Variants in CRACDL observed in about 807,000 individuals in gnomAD.
CRACDL encodes the protein CRACD-like protein.
CRACDL carries 26 observed loss-of-function variants against 70.6 expected under a neutral mutation model. The observed-to-expected ratio is 0.37, with a 90% CI of 0.27 to 0.51. The LOEUF (loss-of-function observed/expected upper bound fraction) is 0.51, where lower values mean the gene tolerates loss of function less well. CRACDL is among the 20% of genes least tolerant of loss of function. CRACDL has a pLI of 0.94. For missense variants in CRACDL, 1,283 were observed against 1,376.9 expected (o/e 0.93, Z 1.08); for synonymous variants, 618 against 615.2 (o/e 1.00, Z -0.07).
chr2:98,913,690 C>T (rs955548856), intron 1 of CRACDL, among the ~76,000 whole-genome samples: 6 of 152,218 alleles, frequency 3.9e-5, no homozygotes, highest in Admixed American at 6.5e-5. Flanking sequence ...AAAGCATGGT[C>T]TTCGGGAGCA....
chr2:98,836,887 C>G (rs1705808965), intron 3 of CRACDL, among the ~76,000 whole-genome samples: 1 of 152,054 alleles, frequency 6.6e-6, no homozygotes, highest in Non-Finnish European at 1.5e-5. Flanking sequence ...TCGAGACCAT[C>G]CTGGCTAACA....
chr2:98,858,512 CAAAAAAAA>C (rs370742460), intron 1 of CRACDL, among the ~76,000 whole-genome samples: 1 of 56,266 alleles, frequency 1.8e-5, no homozygotes, highest in African/African-American at 5.6e-5. Flanking sequence ...GAGACTCTGT[CAAAAAAAA>C]AAAAAAAAAA....
chr2:98,797,078 C>A (rs1703855163), intron 8 of CRACDL, among the ~76,000 whole-genome samples: 1 of 152,230 alleles, frequency 6.6e-6, no homozygotes, highest in African/African-American at 2.4e-5. Context: ...GAGTAGAGAG[C>A]TGTCTGCACT....
chr2:98,851,106 T>C (rs1706463814), intron 1 of CRACDL, among the ~76,000 whole-genome samples: 1 of 152,338 alleles, frequency 6.6e-6, no homozygotes, highest in East Asian at 1.9e-4. Flanking sequence ...CCAGGCTGTT[T>C]GGACCCCTGT....
At chr2:98,874,973 G>A (rs1707446476) in intron 1 of CRACDL, among the ~76,000 whole-genome samples, 2 of 152,232 alleles carry the variant, frequency 1.3e-5, no homozygotes, top group South Asian at 4.2e-4. Flanking sequence ...CTGTAGCAAT[G>A]CCCCCGACAA....
At chr2:98,857,024 C>G (rs1706727426) in intron 1 of CRACDL, among the ~76,000 whole-genome samples, 1 of 152,206 alleles carries the variant, frequency 6.6e-6, no homozygotes. Context: ...AGGAGCTCCT[C>G]CAATATGATC....
Position 98,823,066 on chromosome 2 carries a change from G to C in CRACDL, c.1207C>G (p.Pro403Ala). 1 of 1,571,144 alleles carries C rather than the reference G, an allele frequency of 6.4e-7. No individual in the cohort carries two copies. The highest frequency in any genetic ancestry group is 8.6e-7 in the Non-Finnish European group (1 of 1,161,738). ...GTGTCCCCCTCAGGGATGGCGGTGG[G>C]AAACGGGCTCGCGACGTCTTCGGGA... The part of the protein sequence containing the change: ...CAPEDVASPF[P>A]TAIPEGDTTP... Residue 403 changes from proline (P) to alanine (A), a missense_variant, in exon 7 of 10, where the codon CCC (proline) becomes GCC (alanine). Physicochemically the swap from Pro to Ala is conservative, Grantham distance 27 (BLOSUM62 -1). Coordinates refer to ENST00000397899, the MANE Select transcript of CRACDL (RefSeq NM_207362.3). This position sits in a 1 kb window ranked among gnomAD's most constrained non-coding sequence, Gnocchi z 4.0.
At chr2:98,926,374 G>A (rs1708909610) in intron 1 of CRACDL, among the ~76,000 whole-genome samples, 1 of 152,184 alleles carries the variant, frequency 6.6e-6, no homozygotes, top group Non-Finnish European at 1.5e-5. Flanking sequence ...CTGAGAGGGG[G>A]CTGGGCGCCT....
intron 1 of CRACDL, among the ~76,000 whole-genome samples, chr2:98,932,723 C>G (rs964968449): frequency 1.3e-5 from 2 of 152,140 alleles, no homozygotes; most frequent in Non-Finnish European, 2.9e-5. Context: ...AATAAAAAGG[C>G]CTAGCACACT....
rs371709981 is a variant in CRACDL, at chr2:98,851,338, A to G, written c.-10-4528T>C. Among the ~76,000 whole-genome samples the G allele has an allele frequency of 6.6e-5, 10 of 152,316 alleles. No individual in the cohort carries two copies. The South Asian group carries it at 1.9e-3, about 28-fold the overall frequency. On this transcript the variant is annotated intron_variant, in intron 1 of 9. Transcript: ENST00000397899. ...TCACACCAAACAAGAGAACTGACAA[A>G]CTAGAGGGGCTTCTGGGTATTAGAA...
chr2:98,912,897 T>C (rs546445789), intron 1 of CRACDL: 1 of 152,404 alleles, frequency 6.6e-6, no homozygotes, highest in South Asian at 2.1e-4. Context: ...CAAATCATAC[T>C]GGCAGTAGCT....
At chr2:98,878,843 C>T (rs1030366428) in intron 1 of CRACDL, among the ~76,000 whole-genome samples, 7 of 152,162 alleles carry the variant, frequency 4.6e-5, no homozygotes, top group African/African-American at 7.2e-5. Context: ...TTCATACCAT[C>T]GTGAAGTTGA....
At chr2:98,931,436 G>T (rs1000508689) in intron 1 of CRACDL, among the ~76,000 whole-genome samples, 2 of 151,964 alleles carry the variant, frequency 1.3e-5, no homozygotes, top group African/African-American at 4.8e-5. Flanking sequence ...CCACATATGG[G>T]GCAGTGTTTC....
At chr2:98,813,967 T>C (rs1483080265) in intron 7 of CRACDL, among the ~76,000 whole-genome samples, 1 of 152,236 alleles carries the variant, frequency 6.6e-6, no homozygotes, top group Non-Finnish European at 1.5e-5. Context: ...TTCTCATTTG[T>C]CAAATTTATG....
chr2:98,898,158 G>A (rs17022052), intron 1 of CRACDL, among the ~76,000 whole-genome samples: 5,694 of 152,340 alleles, frequency 0.037, 354 homozygotes, highest in African/African-American at 0.13. Flanking sequence ...TCCGCTGAAG[G>A]AAAATCCTCT....
In CRACDL at chr2:98,795,073, ATATAT is replaced by A. The variant is rs1270326857; in HGVS notation, c.2750-407_2750-403del. On this transcript the variant is annotated intron_variant, in intron 9 of 9. Transcript: ENST00000397899. ...TATATATATATATATATATATATATATATATTTTTTTTTTTTTTTGAGACAGAAGT... is the reference window on the plus strand; with the variant it reads ...TATATATATATATATATATATATATATTTTTTTTTTTTTTGAGACAGAAGT... Among the ~76,000 whole-genome samples, 140 of 20,086 alleles carry A rather than the reference ATATAT, an allele frequency of 7.0e-3. 23 individuals are homozygous for A. The highest frequency in any genetic ancestry group is 0.016 in the African/African-American group (132 of 8,352). 13.2% of individuals were successfully genotyped at this position (20,086 alleles called of 152,430 possible).
intron 7 of CRACDL, among the ~76,000 whole-genome samples, chr2:98,808,019 C>G (rs942754158): frequency 6.6e-6 from 1 of 152,208 alleles, no homozygotes; most frequent in Non-Finnish European, 1.5e-5. Context: ...TCATACGTGG[C>G]TCCTGAGCTC....
intron 1 of CRACDL, among the ~76,000 whole-genome samples, chr2:98,916,261 A>T (rs771000175): frequency 1.3e-5 from 2 of 152,250 alleles, no homozygotes; most frequent in African/African-American, 2.4e-5. Context: ...GCACGATTCC[A>T]TTTAAGCCAA....
chr2:98,863,628 A>AT (rs1707021400), intron 1 of CRACDL, among the ~76,000 whole-genome samples: 1 of 152,202 alleles, frequency 6.6e-6, no homozygotes, highest in African/African-American at 2.4e-5. Context: ...TCAATTTATG[A>AT]TTTTTGACTT....
Sources: gnomAD v4.1 joint callset for allele counts (sites outside exome capture counted in the v4.1 genomes callset) on GRCh38, gnomAD v4.1.1 for gene constraint, Gnocchi (gnomAD v3.1) non-coding constraint, MANE v1.5 for transcripts, NCBI Gene and HGNC (gene_info 2026-07-23, HGNC 2026-07-21) for gene names.